KCNH5: variants seen among roughly 807,000 people sequenced by gnomAD.
The protein encoded by KCNH5 is voltage-gated delayed rectifier potassium channel KCNH5.
Under a neutral mutation model 96.1 loss-of-function variants are expected in KCNH5, and 46 were observed. The observed-to-expected ratio is 0.48, with a 90% CI of 0.38 to 0.61. The LOEUF (loss-of-function observed/expected upper bound fraction) is 0.61, where lower values mean the gene tolerates loss of function less well. Ranked by LOEUF, KCNH5 falls within the 20% of genes least tolerant of loss-of-function variation. The pLI is 0.00. For missense variants in KCNH5, 907 were observed against 1,225.8 expected, an observed-to-expected ratio of 0.74 and a Z score of 3.88; for synonymous variants, 439 against 449.8, an observed-to-expected ratio of 0.98 and a Z score of 0.30.
At chr14:62,976,098 A>T (rs1001916151) in intron 6 of KCNH5, among the ~76,000 whole-genome samples, 2 of 91,200 alleles carry the variant, frequency 2.2e-5, no homozygotes, top group African/African-American at 7.2e-5. Flanking sequence ...TAGGAGATTT[A>T]AAAAAAAAAA....
At chr14:62,775,439 G>A (rs1487504030) in intron 10 of KCNH5, among the ~76,000 whole-genome samples, 3 of 151,962 alleles carry the variant, frequency 2.0e-5, no homozygotes, top group Non-Finnish European at 4.4e-5. Flanking sequence ...TGTGCTTCTG[G>A]CCTCTTGGAG....
intron 7 of KCNH5, among the ~76,000 whole-genome samples, chr14:62,902,115 G>A (rs1406739777): frequency 1.3e-5 from 2 of 151,990 alleles, no homozygotes; most frequent in Non-Finnish European, 2.9e-5. Flanking sequence ...CTGGATGTTA[G>A]ACTTTTGTCA....
chr14:62,853,456 C>CATATATATATATATATATATATATATCAT (rs61444088), intron 7 of KCNH5, among the ~76,000 whole-genome samples: 4 of 93,304 alleles, frequency 4.3e-5, no homozygotes, highest in African/African-American at 9.9e-5. Context: ...AAAGAATAAT[C>CATATATATATATATATATATATATATCAT]ATATATATAT....
At chr14:62,723,934 C>G (rs541769467) in intron 10 of KCNH5, among the ~76,000 whole-genome samples, 1 of 152,050 alleles carries the variant, frequency 6.6e-6, no homozygotes, top group African/African-American at 2.4e-5. Flanking sequence ...GGTACGGTAG[C>G]CTTTTATTTG....
intron 1 of KCNH5, among the ~76,000 whole-genome samples, chr14:63,035,925 G>A (rs768134272): frequency 2.6e-5 from 4 of 152,196 alleles, no homozygotes; most frequent in South Asian, 2.1e-4. Flanking sequence ...GCCTCAGTGT[G>A]TCACCAGGAG....
chr14:63,014,979 A>G (rs1451836701), intron 2 of KCNH5, among the ~76,000 whole-genome samples: 1 of 152,040 alleles, frequency 6.6e-6, no homozygotes, highest in Non-Finnish European at 1.5e-5. Flanking sequence ...ATAGGAGAGG[A>G]GCAATGCTTA....
At chr14:62,873,479 C>T (rs1888302937) in intron 7 of KCNH5, among the ~76,000 whole-genome samples, 1 of 152,072 alleles carries the variant, frequency 6.6e-6, no homozygotes, top group Non-Finnish European at 1.5e-5. Flanking sequence ...CAGATTCAAG[C>T]ATGTGTCAAT....
intron 6 of KCNH5, among the ~76,000 whole-genome samples, chr14:62,963,558 G>A (rs72728793): frequency 2.2e-4 from 12 of 54,862 alleles, no homozygotes; most frequent in South Asian, 3.1e-4. Context: ...AAAGCAAGAC[G>A]AGATGAGATG....
chr14:62,971,070 T>C (rs1890398393), intron 6 of KCNH5, among the ~76,000 whole-genome samples: 3 of 152,120 alleles, frequency 2.0e-5, no homozygotes, highest in South Asian at 4.1e-4. Context: ...AATGTCATTG[T>C]TCACAGATGA....
Position 62,915,237 on chromosome 14 carries a change from A to G in KCNH5, c.1369+34896T>C, listed in dbSNP as rs192678619. On this transcript the variant is annotated intron_variant, in intron 7 of 10. Transcript: ENST00000322893. ...GTTGAATTCATGTCATAAACTCACT[A>G]TTTAAATTTGCATATTCTTCTAAGT... 8.5e-5 allele frequency among the ~76,000 whole-genome samples: 13 copies of G among 152,310 alleles called. No individual in the cohort carries two copies. In the East Asian group the frequency reaches 2.5e-3, roughly 29 times the overall value.
intron 10 of KCNH5, among the ~76,000 whole-genome samples, chr14:62,748,326 A>G (rs1250442047): frequency 5.9e-5 from 9 of 152,190 alleles, no homozygotes; most frequent in Non-Finnish European, 1.2e-4. Flanking sequence ...AATCGATATT[A>G]TTATCTTCAA....
chr14:62,788,689 G>C (rs1452000345), intron 9 of KCNH5, among the ~76,000 whole-genome samples: 1 of 152,076 alleles, frequency 6.6e-6, no homozygotes, highest in Non-Finnish European at 1.5e-5. Flanking sequence ...CCACCAATCT[G>C]ATCAGTCTGT....
At chr14:63,004,972 T>C (rs1356111511) in intron 3 of KCNH5, among the ~76,000 whole-genome samples, 1 of 152,196 alleles carries the variant, frequency 6.6e-6, no homozygotes, top group East Asian at 1.9e-4. Context: ...GGAGCACATA[T>C]CTAAATTATT....
chr14:62,915,015 C>A (rs1159230659), intron 7 of KCNH5, among the ~76,000 whole-genome samples: 1 of 152,184 alleles, frequency 6.6e-6, no homozygotes, highest in Non-Finnish European at 1.5e-5. Context: ...CAGTGCCTGG[C>A]ACAGAACAGA....
At chr14:62,749,243 T>C (rs1046009107) in intron 10 of KCNH5, among the ~76,000 whole-genome samples, 98 of 152,342 alleles carry the variant, frequency 6.4e-4, no homozygotes, top group African/African-American at 2.2e-3. Flanking sequence ...TACCCATCCC[T>C]TTCATTTCTT....
chr14:62,836,650 G>A (rs1482905311), intron 8 of KCNH5, among the ~76,000 whole-genome samples: 4 of 152,014 alleles, frequency 2.6e-5, no homozygotes, highest in Non-Finnish European at 4.4e-5. Context: ...AAAGTTAAAA[G>A]GATAAAAGAA....
At chr14:62,761,588 G>A (rs1387710778) in intron 10 of KCNH5, among the ~76,000 whole-genome samples, 1 of 152,104 alleles carries the variant, frequency 6.6e-6, no homozygotes, top group African/African-American at 2.4e-5. Context: ...GGGTTGGGGA[G>A]GGAAGAACTC....
intron 6 of KCNH5, among the ~76,000 whole-genome samples, chr14:62,966,921 T>C (rs976501876): frequency 3.4e-5 from 5 of 147,618 alleles, no homozygotes; most frequent in African/African-American, 1.1e-4. Context: ...TCTTTCCTGC[T>C]CTGAGTACAC....
At chr14:62,891,588 T>C (rs548435433) in intron 7 of KCNH5, among the ~76,000 whole-genome samples, 3 of 152,266 alleles carry the variant, frequency 2.0e-5, no homozygotes, top group Admixed American at 2.0e-4. Flanking sequence ...CTAAACATCA[T>C]GCCCCTAATC....
Sources: allele counts gnomAD v4.1 joint callset (sites outside exome capture counted in the v4.1 genomes callset), GRCh38; gene constraint gnomAD v4.1.1; transcripts MANE v1.5; gene names NCBI Gene and HGNC (gene_info 2026-07-23, HGNC 2026-07-21).